PCDH15: variants seen among roughly 807,000 people sequenced by gnomAD.
PCDH15 encodes protocadherin related 15.
A neutral mutation model predicts 178.5 loss-of-function variants in PCDH15; 129 were observed. The ratio of observed to expected loss-of-function variants is 0.72; its 90% confidence interval spans 0.63 to 0.84. PCDH15 has a LOEUF of 0.84. Ranked by LOEUF, PCDH15 falls within the 40% of genes least tolerant of loss-of-function variation. The pLI, the probability that PCDH15 is intolerant of heterozygous loss-of-function variation, is 0.00. For missense variants in PCDH15, 2,230 were observed against 2,099.9 expected (o/e 1.06, Z -1.21); for synonymous variants, 800 against 732.0 (o/e 1.09, Z -1.50).
At chr10:55,528,405 T>G (rs1841359161) in intron 2 of PCDH15, among the ~76,000 whole-genome samples, 2 of 151,948 alleles carry the variant, frequency 1.3e-5, no homozygotes, top group South Asian at 4.1e-4. Context: ...GGCCCCAGTG[T>G]GTGATGTTCC....
rs1217025062 is a variant in PCDH15 at position 54,757,032 on chromosome 10, C to CA, written c.-29+43892dup. Among the ~76,000 whole-genome samples the CA allele has an allele frequency of 5.3e-5, 8 of 151,980 alleles. No homozygotes were observed. In the East Asian group the frequency reaches 1.6e-3, roughly 30 times the overall value. On this transcript the variant is annotated intron_variant, in intron 1 of 37. Coordinates refer to ENST00000644397, the MANE Select transcript of PCDH15 (RefSeq NM_001384140.1). ...CTCCCAATTGGATTACCATATGTCT[C>CA]AAAAAACATGATAGTAAATGTCTTT...
At chr10:55,381,809 A>C (rs1837539514) in intron 2 of PCDH15, among the ~76,000 whole-genome samples, 1 of 152,182 alleles carries the variant, frequency 6.6e-6, no homozygotes, top group South Asian at 2.1e-4. Flanking sequence ...AAAGCCTCTA[A>C]GTTGATCCGG....
intron 3 of PCDH15, among the ~76,000 whole-genome samples, chr10:54,823,128 C>T (rs1953074377): frequency 6.6e-6 from 1 of 152,012 alleles, no homozygotes; most frequent in African/African-American, 2.4e-5. Flanking sequence ...GTGATCTGCC[C>T]ACCTCAGCCT....
chr10:54,677,286 G>C (rs537902961), intron 1 of PCDH15, among the ~76,000 whole-genome samples: 1 of 152,150 alleles, frequency 6.6e-6, no homozygotes, highest in Non-Finnish European at 1.5e-5. Flanking sequence ...AGGCTGATGG[G>C]GGAGGATGGT....
At chr10:54,775,067 T>C (rs1422762642) in intron 1 of PCDH15, among the ~76,000 whole-genome samples, 1 of 152,186 alleles carries the variant, frequency 6.6e-6, no homozygotes, top group Non-Finnish European at 1.5e-5. Flanking sequence ...CAGGACATAT[T>C]ATAAAAGAAT....
intron 2 of PCDH15, among the ~76,000 whole-genome samples, chr10:54,971,012 C>T (rs933056743): frequency 6.6e-6 from 1 of 152,090 alleles, no homozygotes; most frequent in Non-Finnish European, 1.5e-5. Context: ...TGCCTTGAGC[C>T]AAACCCATAT....
chr10:55,226,662 G>T (rs1441279688), intron 1 of PCDH15, among the ~76,000 whole-genome samples: 1 of 152,048 alleles, frequency 6.6e-6, no homozygotes, highest in African/African-American at 2.4e-5. Flanking sequence ...GATTACAGGC[G>T]TGAGCCACTG....
At position 55,582,624 on chromosome 10, in the gene PCDH15, ATATATTTT is replaced by A. The variant is rs1297817839; in HGVS notation, c.-156+44993_-156+45000del. Among the ~76,000 whole-genome samples, 393 of 62,256 alleles carry A rather than the reference ATATATTTT, an allele frequency of 6.3e-3. 6 individuals are homozygous for A. Among genetic ancestry groups the A allele is most frequent in the African/African-American group, 0.023 (368 of 15,940 alleles). 40.8% of individuals were successfully genotyped at this position (62,256 alleles called of 152,430 possible). On this transcript the variant is annotated intron_variant, in intron 2 of 5. Coordinates refer to the PCDH15 transcript ENST00000613346. Reference sequence around the variant, plus strand: ...TATATATATATATATATATATATATATATATTTTTTTTTTTTTGCTATATTTGATGAAC... The same window carrying A: ...TATATATATATATATATATATATATATTTTTTTTTGCTATATTTGATGAAC...
chr10:55,569,746 G>C (rs1175836624), intron 2 of PCDH15, among the ~76,000 whole-genome samples: 1 of 151,916 alleles, frequency 6.6e-6, no homozygotes, highest in Non-Finnish European at 1.5e-5. Flanking sequence ...GTAAAGCTCA[G>C]TAAAACACTG....
intron 2 of PCDH15, among the ~76,000 whole-genome samples, chr10:54,980,866 A>G (rs1394806266): frequency 6.6e-6 from 1 of 152,044 alleles, no homozygotes; most frequent in Non-Finnish European, 1.5e-5. Flanking sequence ...CAGAGTAGAG[A>G]AATTGAATAT....
chr10:54,524,117 A>C (rs1303044294), intron 3 of PCDH15, among the ~76,000 whole-genome samples: 1 of 152,232 alleles, frequency 6.6e-6, no homozygotes, highest in Admixed American at 6.5e-5. Context: ...CTTTTAAAAA[A>C]TTATACAATC....
At chr10:54,585,523 A>T in intron 2 of PCDH15, 1 of 246,368 alleles carries the variant, frequency 4.1e-6, no homozygotes, top group South Asian at 4.3e-5. Context: ...ACAATTTTTA[A>T]TTTTTTTTAA....
intron 1 of PCDH15, among the ~76,000 whole-genome samples, chr10:55,216,427 G>T (rs548711712): frequency 6.6e-6 from 1 of 151,912 alleles, no homozygotes; most frequent in African/African-American, 2.4e-5. Context: ...CCAATTTATA[G>T]CTTTGGTAAA....
At chr10:54,895,276 G>T (rs1428875190) in intron 3 of PCDH15, among the ~76,000 whole-genome samples, 1 of 152,040 alleles carries the variant, frequency 6.6e-6, no homozygotes, top group Non-Finnish European at 1.5e-5. Context: ...TAGATTTACT[G>T]CCTCAGGGAT....
At chr10:54,838,107 C>T (rs548653114) in intron 3 of PCDH15, among the ~76,000 whole-genome samples, 3 of 151,972 alleles carry the variant, frequency 2.0e-5, no homozygotes, top group South Asian at 2.1e-4. Flanking sequence ...CTTAGTCGAA[C>T]GACAGTACTT....
At chr10:55,061,804 G>A (rs1193577759) in intron 2 of PCDH15, among the ~76,000 whole-genome samples, 1 of 152,122 alleles carries the variant, frequency 6.6e-6, no homozygotes, top group Non-Finnish European at 1.5e-5. Flanking sequence ...GGGGGATCAC[G>A]AGGTCAAGAG....
chr10:53,989,881 CA>C (rs1204235790), intron 21 of PCDH15, among the ~76,000 whole-genome samples: 1 of 151,996 alleles, frequency 6.6e-6, no homozygotes, highest in African/African-American at 2.4e-5. Context: ...AAAATGATAC[CA>C]AAAAACTATA....
At chr10:54,468,160 G>C (rs2077655322) in intron 3 of PCDH15, among the ~76,000 whole-genome samples, 1 of 151,628 alleles carries the variant, frequency 6.6e-6, no homozygotes, top group African/African-American at 2.4e-5. Context: ...ATTTTGTTTA[G>C]TTCCACTTTG....
chr10:53,935,884 G>A, intron 25 of PCDH15, among the ~76,000 whole-genome samples: 1 of 150,880 alleles, frequency 6.6e-6, no homozygotes, highest in Non-Finnish European at 1.5e-5. Flanking sequence ...AAAAAATAAT[G>A]GATTTAGAAA....
Sources: gnomAD v4.1 joint callset for allele counts (sites outside exome capture counted in the v4.1 genomes callset) on GRCh38, gnomAD v4.1.1 for gene constraint, MANE v1.5 for transcripts, NCBI Gene and HGNC (gene_info 2026-07-23, HGNC 2026-07-21) for gene names.